RSF1: variants seen among roughly 807,000 people sequenced by gnomAD.
RSF1 encodes the protein HBV pX-associated protein 8.
A neutral mutation model predicts 145.2 loss-of-function variants in RSF1; 13 were observed. The observed-to-expected ratio is 0.09, with a 90% CI of 0.06 to 0.14. The LOEUF is 0.14. Among genes scored for constraint, RSF1 ranks in the 10% least tolerant of loss-of-function variants. RSF1 has a pLI of 1.00. For missense variants in RSF1, 1,517 were observed against 1,718.2 expected, an observed-to-expected ratio of 0.88 and a Z score of 2.07; for synonymous variants, 577 against 592.6, an observed-to-expected ratio of 0.97 and a Z score of 0.38.
intron 3 of RSF1, 32 bp from the exon 4 acceptor site, chr11:77,740,968 C>G (rs763713664): frequency 6.8e-7 from 1 of 1,477,408 alleles, no homozygotes; most frequent in Admixed American, 1.7e-5. Flanking sequence ...ACTTAAAATA[C>G]CTCACAAATA....
intron 2 of RSF1, among the ~76,000 whole-genome samples, chr11:77,751,964 C>T (rs1177571002): frequency 6.6e-6 from 1 of 152,168 alleles, no homozygotes; most frequent in African/African-American, 2.4e-5. Flanking sequence ...AAGAGATTCA[C>T]TTAACCAGTG....
rs780477946 is a variant in RSF1, at chr11:77,754,676, G to A, written c.280-7548C>T. ...GGGCTGAGGCAGAAGCCAGGGAGAT[G>A]GTGGCTGCAGTGAGCTGAGGTCACA... is the stretch of plus-strand genomic sequence containing the variant. On this transcript the variant is annotated intron_variant, in intron 2 of 15. Transcript: ENST00000308488. Among the ~76,000 whole-genome samples, 22 of 151,964 alleles carry A rather than the reference G, an allele frequency of 1.4e-4. 1 individual carries two copies. Among genetic ancestry groups the A allele is most frequent in the Non-Finnish European group, 2.6e-4 (18 of 67,980 alleles).
intron 3 of RSF1, among the ~76,000 whole-genome samples, chr11:77,746,154 T>G (rs1259440256): frequency 6.6e-6 from 1 of 152,152 alleles, no homozygotes; most frequent in Admixed American, 6.5e-5. Flanking sequence ...TCTATAACTT[T>G]GACTCGCAAG....
At chr11:77,726,295 C>T (rs1263524521) in intron 4 of RSF1, among the ~76,000 whole-genome samples, 1 of 152,084 alleles carries the variant, frequency 6.6e-6, no homozygotes, top group Non-Finnish European at 1.5e-5. Context: ...AAATAAAAGT[C>T]TAACCTATAA....
At chr11:77,733,285 G>A (rs969757987) in intron 4 of RSF1, among the ~76,000 whole-genome samples, 2 of 152,010 alleles carry the variant, frequency 1.3e-5, no homozygotes, top group Non-Finnish European at 2.9e-5. Context: ...CCTCATTGTG[G>A]TTTTAATTGG....
chr11:77,749,260 T>G (rs951136105), intron 2 of RSF1, among the ~76,000 whole-genome samples: 1 of 152,214 alleles, frequency 6.6e-6, no homozygotes, highest in African/African-American at 2.4e-5. Flanking sequence ...CCTGTAAATA[T>G]GTTAATAAAC....
intron 8 of RSF1, chr11:77,691,887 CA>C (rs1960158017): frequency 6.6e-6 from 1 of 152,152 alleles, no homozygotes; most frequent in African/African-American, 2.4e-5. Flanking sequence ...TAAAGCTCAT[CA>C]TTTTATTTTA....
intron 3 of RSF1, among the ~76,000 whole-genome samples, chr11:77,741,926 G>A (rs1023534823): frequency 6.6e-6 from 1 of 152,068 alleles, no homozygotes; most frequent in Non-Finnish European, 1.5e-5. Context: ...TCCACATTAA[G>A]TAATATCATG....
intron 12 of RSF1, 31 bp downstream of exon 12, chr11:77,678,055 C>T: frequency 6.4e-7 from 1 of 1,562,254 alleles, no homozygotes; most frequent in Non-Finnish European, 8.8e-7. Context: ...TGGCAGAGTT[C>T]TATGAAGAAG....
At chr11:77,724,666 G>A (rs771879070) in intron 5 of RSF1, among the ~76,000 whole-genome samples, 2 of 152,082 alleles carry the variant, frequency 1.3e-5, no homozygotes, top group African/African-American at 2.4e-5. Flanking sequence ...GGATGGTTTT[G>A]GGATGAAACT....
At chr11:77,765,294 T>C (rs547645232) in intron 1 of RSF1, among the ~76,000 whole-genome samples, 1 of 152,314 alleles carries the variant, frequency 6.6e-6, no homozygotes, top group African/African-American at 2.4e-5. Context: ...AGTTGACAGA[T>C]ACGACAGAAA....
At chr11:77,813,382 T>C (rs186154299) in intron 1 of RSF1, 2 of 1,073,340 alleles carry the variant, frequency 1.9e-6, no homozygotes, top group African/African-American at 3.1e-5. Flanking sequence ...AGCAATCTGC[T>C]TAACAATCTC....
At chr11:77,726,075 T>G (rs1463112620) in intron 4 of RSF1, among the ~76,000 whole-genome samples, 1 of 152,236 alleles carries the variant, frequency 6.6e-6, no homozygotes, top group African/African-American at 2.4e-5. Context: ...TTTTTTTGTT[T>G]TGTTCTTGAT....
chr11:77,767,241 A>G (rs1201516180), intron 1 of RSF1, among the ~76,000 whole-genome samples: 1 of 152,158 alleles, frequency 6.6e-6, no homozygotes, highest in Non-Finnish European at 1.5e-5. Context: ...CTTTTCCACA[A>G]ACACAGAAGT....
At chr11:77,811,511 C>T (rs1348149732) in intron 1 of RSF1, among the ~76,000 whole-genome samples, 1 of 151,994 alleles carries the variant, frequency 6.6e-6, no homozygotes, top group Non-Finnish European at 1.5e-5. Context: ...ACTTGAGAGA[C>T]AGAAAGAAGG....
intron 1 of RSF1, among the ~76,000 whole-genome samples, chr11:77,806,059 T>C (rs1252972676): frequency 1.3e-5 from 2 of 152,152 alleles, no homozygotes; most frequent in African/African-American, 4.8e-5. Context: ...TTTCTCACAA[T>C]AGGAATGTAA....
At chr11:77,758,307 C>A (rs1306262317) in intron 2 of RSF1, among the ~76,000 whole-genome samples, 1 of 152,136 alleles carries the variant, frequency 6.6e-6, no homozygotes, top group Non-Finnish European at 1.5e-5. Flanking sequence ...ATTCATCTTT[C>A]TTTTATATTA....
chr11:77,769,110 T>G (rs970042420), intron 1 of RSF1, among the ~76,000 whole-genome samples: 1 of 152,082 alleles, frequency 6.6e-6, no homozygotes, highest in Non-Finnish European at 1.5e-5. Flanking sequence ...CAGGCTGGAG[T>G]GCAGTGGCGC....
In RSF1 at chr11:77,736,194, G is replaced by A. The variant is rs190516238; in HGVS notation, c.578+4537C>T. On this transcript the variant is annotated intron_variant, in intron 4 of 15. Transcript: ENST00000308488. ...CTGCAATGTAAAAGGAAAAACAAAC[G>A]TTCTTGCTCCTGTCAAATTCAGTTC... is the stretch of plus-strand genomic sequence containing the variant. Among the ~76,000 whole-genome samples, 342 of 152,276 alleles carry A rather than the reference G, an allele frequency of 2.2e-3. 4 individuals are homozygous for A. Among genetic ancestry groups the A allele is most frequent in the African/African-American group, 8.0e-3 (331 of 41,548 alleles).
Sources: gnomAD v4.1 joint callset for allele counts (sites outside exome capture counted in the v4.1 genomes callset) on GRCh38, gnomAD v4.1.1 for gene constraint, MANE v1.5 for transcripts, NCBI Gene and HGNC (gene_info 2026-07-23, HGNC 2026-07-21) for gene names.